CLDN16: variants seen among roughly 807,000 people sequenced by gnomAD.
The protein encoded by CLDN16 is claudin 16.
CLDN16 carries 13 observed loss-of-function variants against 24.6 expected under a neutral mutation model. That is an observed-to-expected ratio of 0.53 (90% confidence interval 0.34 to 0.84). The LOEUF is 0.84. Among genes scored for constraint, CLDN16 ranks in the 40% least tolerant of loss-of-function variants. The pLI, the probability that CLDN16 is intolerant of heterozygous loss-of-function variation, is 0.01. For synonymous variants in CLDN16, 116 were observed against 106.7 expected (o/e 1.09, Z -0.54); for missense variants, 298 against 292.7 (o/e 1.02, Z -0.13).
intron 2 of CLDN16, among the ~76,000 whole-genome samples, chr3:190,403,304 C>G (rs911703020): frequency 6.6e-6 from 1 of 152,026 alleles, no homozygotes; most frequent in African/African-American, 2.4e-5. Context: ...TGCACTCCAG[C>G]CTGGGAGACA....
intron 1 of CLDN16, among the ~76,000 whole-genome samples, chr3:190,332,877 C>G (rs1446034488): frequency 2.0e-5 from 3 of 151,760 alleles, no homozygotes; most frequent in African/African-American, 4.8e-5. Flanking sequence ...ATGGCATACA[C>G]TTTGCTTTAT....
chr3:190,316,936 C>T, the CLDN16 span, among the ~76,000 whole-genome samples: 1 of 152,152 alleles, frequency 6.6e-6, no homozygotes, highest in Non-Finnish European at 1.5e-5. Flanking sequence ...GAAACTCATG[C>T]AGATAATACA....
chr3:190,389,552 A>G (rs1346719608), intron 1 of CLDN16, among the ~76,000 whole-genome samples: 2 of 152,144 alleles, frequency 1.3e-5, no homozygotes, highest in African/African-American at 4.8e-5. Flanking sequence ...TTTGCCTCTG[A>G]CTTGAACATG....
intron 1 of CLDN16, among the ~76,000 whole-genome samples, chr3:190,393,747 CT>C (rs58465741): frequency 0.25 from 29,270 of 114,966 alleles, 3,425 homozygotes; most frequent in East Asian, 0.38. Flanking sequence ...TGTCATTTGC[CT>C]TTTTTTTTTT....
At chr3:190,348,400 G>T (rs1717602268) in intron 1 of CLDN16, among the ~76,000 whole-genome samples, 1 of 146,186 alleles carries the variant, frequency 6.8e-6, no homozygotes, top group South Asian at 2.2e-4. Context: ...TTCTTACAAA[G>T]ATATACACAC....
chr3:190,349,306 C>T (rs578226322), intron 1 of CLDN16, among the ~76,000 whole-genome samples: 1 of 151,640 alleles, frequency 6.6e-6, no homozygotes, highest in Admixed American at 6.6e-5. Flanking sequence ...TAGAGCTTCC[C>T]CCTTCACTCC....
upstream of CLDN16, among the ~76,000 whole-genome samples, chr3:190,320,339 C>T (rs748026140): frequency 6.6e-6 from 1 of 152,130 alleles, no homozygotes; most frequent in Non-Finnish European, 1.5e-5. Context: ...TAGAAACCTC[C>T]ACCTGCCAAT....
chr3:190,315,484 A>C, the CLDN16 span, among the ~76,000 whole-genome samples: 1 of 152,166 alleles, frequency 6.6e-6, no homozygotes, highest in East Asian at 1.9e-4. Flanking sequence ...TCTAAGTATA[A>C]TCAGAAGTCA....
chr3:190,395,251 A>G (rs1042260245), intron 1 of CLDN16, among the ~76,000 whole-genome samples: 2 of 152,112 alleles, frequency 1.3e-5, no homozygotes, highest in Non-Finnish European at 1.5e-5. Context: ...TATGATTTAT[A>G]CCTTTAGCCA....
At chr3:190,392,247 CCTT>C (rs1015306350) in intron 1 of CLDN16, among the ~76,000 whole-genome samples, 4 of 151,500 alleles carry the variant, frequency 2.6e-5, no homozygotes, top group African/African-American at 9.7e-5. Flanking sequence ...TTCTCTTTTT[CCTT>C]CATTTCCTTG....
chr3:190,342,416 T>A (rs1434144946), intron 1 of CLDN16, among the ~76,000 whole-genome samples: 1 of 152,190 alleles, frequency 6.6e-6, no homozygotes, highest in Non-Finnish European at 1.5e-5. Flanking sequence ...GATTTATATA[T>A]GCAAATAATG....
chr3:190,327,464 T>G (rs1717089406), intron 1 of CLDN16, among the ~76,000 whole-genome samples: 1 of 152,200 alleles, frequency 6.6e-6, no homozygotes. Context: ...AGGGCTTTGT[T>G]GTATAAACTT....
At chr3:190,305,804 G>A in the CLDN16 span, 1 of 152,152 alleles carries the variant, frequency 6.6e-6, no homozygotes, top group African/African-American at 2.4e-5. Flanking sequence ...GTTTCCAGGT[G>A]TGGTAGAAGA....
chr3:190,317,284 A>AT, the CLDN16 span, among the ~76,000 whole-genome samples: 2 of 152,012 alleles, frequency 1.3e-5, no homozygotes, highest in East Asian at 1.9e-4. Context: ...AAATTACACT[A>AT]TTTTTTCTCA....
intron 3 of CLDN16, among the ~76,000 whole-genome samples, chr3:190,383,115 C>T (rs1352612336): frequency 6.6e-6 from 1 of 152,104 alleles, no homozygotes; most frequent in East Asian, 1.9e-4. Flanking sequence ...AAAATGGTGT[C>T]TGAGAACCAG....
chr3:190,337,225 A>G (rs553926343), intron 1 of CLDN16, among the ~76,000 whole-genome samples: 15 of 152,212 alleles, frequency 9.9e-5, no homozygotes, highest in Admixed American at 2.6e-4. Context: ...TTGTTGAGTG[A>G]CAAATGGCTT....
the CLDN16 span, among the ~76,000 whole-genome samples, chr3:190,312,374 T>C: frequency 2.0e-5 from 3 of 152,304 alleles, no homozygotes; most frequent in East Asian, 5.8e-4. Context: ...GCCTTTCTTT[T>C]CATTGATCTA....
chr3:190,396,785 G>A (rs1395283569), intron 1 of CLDN16, among the ~76,000 whole-genome samples: 2 of 152,290 alleles, frequency 1.3e-5, no homozygotes, highest in African/African-American at 4.8e-5. Context: ...AGAGAGACTT[G>A]GGTGGTGGGA....
chr3:190,312,592 C>T, the CLDN16 span, among the ~76,000 whole-genome samples: 7 of 152,190 alleles, frequency 4.6e-5, no homozygotes, highest in East Asian at 1.9e-4. Context: ...TCCTCCTTAG[C>T]GTTTGCTAAA....
Sources: allele counts gnomAD v4.1 joint callset (sites outside exome capture counted in the v4.1 genomes callset), GRCh38; gene constraint gnomAD v4.1.1; transcripts MANE v1.5; gene names NCBI Gene and HGNC (gene_info 2026-07-23, HGNC 2026-07-21).